KIF15: variants seen among roughly 807,000 people sequenced by gnomAD.
The protein encoded by KIF15 is kinesin family member 15.
Under a neutral mutation model 190.6 loss-of-function variants are expected in KIF15, and 140 were observed. The observed-to-expected ratio is 0.73, with a 90% CI of 0.64 to 0.84. KIF15 has a LOEUF of 0.84. Ranked by LOEUF, KIF15 falls within the 40% of genes least tolerant of loss-of-function variation. The pLI, the probability that KIF15 is intolerant of heterozygous loss-of-function variation, is 0.00. For missense variants in KIF15, 1,372 were observed against 1,584.4 expected (o/e 0.87, Z 2.28); for synonymous variants, 528 against 551.3 (o/e 0.96, Z 0.59).
At chr3:44,861,921 C>T in intron 6 of KIF15, 4 of 1,457,582 alleles carry the variant, frequency 2.7e-6, no homozygotes, top group Non-Finnish European at 3.6e-6. Flanking sequence ...TGTCAGCAGG[C>T]AACATGGCCG....
chr3:44,809,091 C>T (rs993500366), intron 16 of KIF15, among the ~76,000 whole-genome samples: 6 of 152,188 alleles, frequency 3.9e-5, no homozygotes, highest in African/African-American at 9.7e-5. Context: ...AGCATAGATG[C>T]ATAGATGCAC....
chr3:44,785,793 A>T (rs1054930256), intron 6 of KIF15, among the ~76,000 whole-genome samples: 3 of 152,194 alleles, frequency 2.0e-5, no homozygotes, highest in Non-Finnish European at 4.4e-5. Flanking sequence ...AATATATAAG[A>T]CAGACAAAAA....
At chr3:44,769,143 GAGTGTGCTGT>G (rs1705537535) in intron 1 of KIF15, among the ~76,000 whole-genome samples, 1 of 152,220 alleles carries the variant, frequency 6.6e-6, no homozygotes, top group African/African-American at 2.4e-5. Context: ...GATCCAAGGG[GAGTGTGCTGT>G]AGTAAGGAGA....
chr3:44,777,750 C>T, intron 3 of KIF15, among the ~76,000 whole-genome samples: 1 of 152,094 alleles, frequency 6.6e-6, no homozygotes, highest in Non-Finnish European at 1.5e-5. Flanking sequence ...GACTGCATCT[C>T]CTTGTAGGTA....
At chr3:44,853,745 T>C (rs1699146770), downstream of KIF15, among the ~76,000 whole-genome samples, 1 of 152,212 alleles carries the variant, frequency 6.6e-6, no homozygotes, top group Admixed American at 6.5e-5. Flanking sequence ...CCATCCTAGG[T>C]GTGTAGTTAT....
At position 44,780,950 on chromosome 3, in the gene KIF15, T is replaced by C. The variant is rs142345586; in HGVS notation, c.361+28T>C. The C allele has an allele frequency of 1.4e-4, 218 of 1,528,258 alleles. No individual in the cohort carries two copies. The African/African-American group carries it at 2.7e-3, about 19-fold the overall frequency. The allele number at this position is 1,528,258 out of a possible 1,614,324, so 94.7% of individuals were successfully genotyped here. On this transcript the variant is annotated intron_variant, in intron 5 of 34. Transcript: ENST00000326047. ...AAGTAAAGATTAACTTTTGTTGGCT[T>C]AATCTACTCTTTCTGTGATAACAGT...
Position 44,778,204 on chromosome 3 carries a change from C to G in KIF15, c.323+13C>G. On this transcript the variant is annotated intron_variant, in intron 4 of 34. Coordinates refer to ENST00000326047, the MANE Select transcript of KIF15 (RefSeq NM_020242.3). ...CCATCTTTGCATAGTAAGTTGTTGA[C>G]TGTGTCCTTATACATAGTACATGCT... The G allele has an allele frequency of 6.3e-7, 1 of 1,593,490 alleles. No homozygotes were observed. The highest frequency in any genetic ancestry group is 8.6e-7 in the Non-Finnish European group (1 of 1,161,142).
intron 6 of KIF15, among the ~76,000 whole-genome samples, chr3:44,859,268 C>T (rs1440050231): frequency 6.6e-6 from 1 of 152,208 alleles, no homozygotes; most frequent in East Asian, 1.9e-4. Context: ...AATTGCAACT[C>T]AGAAAAACAT....
At chr3:44,866,811 G>C (rs1699327380) in intron 6 of KIF15, among the ~76,000 whole-genome samples, 1 of 152,224 alleles carries the variant, frequency 6.6e-6, no homozygotes, top group South Asian at 2.1e-4. Context: ...CCTCATGCTA[G>C]CCCCACCATG....
intron 30 of KIF15, among the ~76,000 whole-genome samples, chr3:44,846,625 T>A (rs6798985): frequency 0.011 from 1,602 of 151,884 alleles, 19 homozygotes; most frequent in Middle Eastern, 0.027. Flanking sequence ...ATACAAAAAA[T>A]GAGTCAGGAG....
chr3:44,821,883 A>C (rs1697350137), intron 20 of KIF15, among the ~76,000 whole-genome samples: 1 of 152,258 alleles, frequency 6.6e-6, no homozygotes, highest in African/African-American at 2.4e-5. Flanking sequence ...GCACCTCGGG[A>C]GGCCGAGGCT....
intron 34 of KIF15, 37 bp downstream of exon 34, chr3:44,852,376 G>A: frequency 1.3e-6 from 2 of 1,562,008 alleles, no homozygotes; most frequent in Non-Finnish European, 1.7e-6. Context: ...ATTCTGTCTG[G>A]TTTAAAAATG....
At chr3:44,769,130 A>G (rs1705536663) in intron 1 of KIF15, among the ~76,000 whole-genome samples, 1 of 152,104 alleles carries the variant, frequency 6.6e-6, no homozygotes, top group Non-Finnish European at 1.5e-5. Context: ...AGTTTAGAGG[A>G]TGGATCCAAG....
chr3:44,837,177 A>G (rs1305745685), intron 26 of KIF15, among the ~76,000 whole-genome samples: 1 of 152,248 alleles, frequency 6.6e-6, no homozygotes, highest in Non-Finnish European at 1.5e-5. Flanking sequence ...AATTAAAATA[A>G]CAGCTATTTT....
chr3:44,849,903 G>A lies in KIF15; in HGVS notation c.3806+1345G>A, dbSNP rs557401091. Among the ~76,000 whole-genome samples, 57 of 152,206 alleles carry A rather than the reference G, an allele frequency of 3.7e-4. No individual in the cohort carries two copies. In the South Asian group the frequency reaches 0.012, roughly 31 times the overall value. ...TATTATACTTAGGGAAAATTTTAGT[G>A]GAAATGCATCTCTTAATGTATTTTA... On this transcript the variant is annotated intron_variant, in intron 32 of 34. Coordinates refer to ENST00000326047, the MANE Select transcript of KIF15 (RefSeq NM_020242.3).
intron 30 of KIF15, among the ~76,000 whole-genome samples, chr3:44,844,446 T>A (rs1355192480): frequency 2.6e-5 from 4 of 152,248 alleles, no homozygotes; most frequent in Non-Finnish European, 4.4e-5. Flanking sequence ...GCTCCATATA[T>A]GTCCAATTCT....
intron 30 of KIF15, among the ~76,000 whole-genome samples, chr3:44,847,397 TA>T (rs1166366841): frequency 3.3e-5 from 5 of 152,222 alleles, no homozygotes. Flanking sequence ...ATCTAGAATG[TA>T]ATTTTCTTAC....
intron 4 of KIF15, among the ~76,000 whole-genome samples, chr3:44,779,490 G>A (rs1297293181): frequency 6.6e-6 from 1 of 152,110 alleles, no homozygotes; most frequent in Non-Finnish European, 1.5e-5. Flanking sequence ...GTAATTATTA[G>A]TAGTGTCCTC....
intron 7 of KIF15, among the ~76,000 whole-genome samples, chr3:44,793,089 C>T (rs1168104558): frequency 6.6e-6 from 1 of 152,162 alleles, no homozygotes; most frequent in East Asian, 1.9e-4. Flanking sequence ...TGAATTTTAA[C>T]AACATCTGTA....
Sources: gnomAD v4.1 joint callset for allele counts (sites outside exome capture counted in the v4.1 genomes callset) on GRCh38, gnomAD v4.1.1 for gene constraint, MANE v1.5 for transcripts, NCBI Gene and HGNC (gene_info 2026-07-23, HGNC 2026-07-21) for gene names.